Variants in MAK16 observed in about 807,000 individuals in gnomAD.
The protein encoded by MAK16 is MAK16 homolog.
In MAK16, 12 loss-of-function variants were observed where a neutral mutation model predicts 49.9. The observed-to-expected ratio is 0.24, with a 90% CI of 0.15 to 0.39. MAK16 has a LOEUF of 0.39. MAK16 is among the 10% of genes least tolerant of loss of function. The probability of loss-of-function intolerance (pLI) is 1.00; values close to 1 mark genes in which losing one functional copy is unlikely to be tolerated. For synonymous variants in MAK16, 115 were observed against 126.4 expected, an observed-to-expected ratio of 0.91 and a Z score of 0.60; for missense variants, 292 against 363.7, an observed-to-expected ratio of 0.80 and a Z score of 1.60.
chr8:33,485,355 G>A, intron 1 of MAK16, 134 bp downstream of exon 1: 1 of 1,220,134 alleles, frequency 8.2e-7, no homozygotes, highest in African/African-American at 1.5e-5. Context: ...CCGGAACCCC[G>A]ATTTTCCAAC....
chr8:33,496,783 T>G, intron 8 of MAK16, 42 bp downstream of exon 8: 1 of 1,400,168 alleles, frequency 7.1e-7, no homozygotes. Context: ...TAGATACCAT[T>G]TGTATAAAAC....
In MAK16 at chr8:33,489,742, CAT is replaced by C. The variant is rs1349346839; in HGVS notation, c.393-542_393-541del. On this transcript the variant is annotated intron_variant, in intron 5 of 9. Coordinates refer to ENST00000360128, the MANE Select transcript of MAK16 (RefSeq NM_032509.4). This position sits in a 1 kb window ranked among gnomAD's most constrained non-coding sequence, Gnocchi z 4.2. ...TTAGAGATTTGAAAATGATCTAAGA[CAT>C]GTGACTATACAGGAATGTAAGAACT... 2.0e-5 allele frequency among the ~76,000 whole-genome samples: 3 copies of C among 152,164 alleles called. No individual in the cohort carries two copies. The highest frequency in any genetic ancestry group is 6.6e-5 in the Admixed American group (1 of 15,264).
Position 33,499,132 on chromosome 8 carries a change from T to C in MAK16, c.*503T>C. 1 of 1,490,778 alleles carries C rather than the reference T, an allele frequency of 6.7e-7. No individual in the cohort carries two copies. Among genetic ancestry groups the C allele is most frequent in the Non-Finnish European group, 9.4e-7 (1 of 1,067,994 alleles). 92.3% of individuals were successfully genotyped at this position (1,490,778 alleles called of 1,614,324 possible). On this transcript the variant is annotated 3_prime_UTR_variant, in exon 10 of 10. Transcript: ENST00000360128. Reference sequence around the variant, plus strand: ...ATAACTCCATTCATACAAATTGGGATGGGAAGAAAATCCTTTCCTCTTGGG... The same window carrying C: ...ATAACTCCATTCATACAAATTGGGACGGGAAGAAAATCCTTTCCTCTTGGG...
Position 33,498,666 on chromosome 8 carries a change from C to G in MAK16, c.*37C>G, listed in dbSNP as rs1461215632. The stretch of plus-strand genomic sequence containing the variant: ...GCATTTATACCCAGGACTGAACATG[C>G]AGAACTGTTTTTTTTTTTTTTTTAT... On this transcript the variant is annotated 3_prime_UTR_variant, in exon 10 of 10. Coordinates refer to ENST00000360128, the MANE Select transcript of MAK16 (RefSeq NM_032509.4). The G allele has an allele frequency of 1.4e-6, 2 of 1,396,074 alleles. No individual in the cohort carries two copies. The highest frequency in any genetic ancestry group is 2.0e-6 in the Non-Finnish European group (2 of 1,017,770). The allele number at this position is 1,396,074 out of a possible 1,614,324, so 86.5% of individuals were successfully genotyped here. A position where few individuals can be genotyped will look rare whatever the true frequency, so the allele number is the denominator to read the frequency against.
Position 33,491,082 on chromosome 8 carries a change from G to A in MAK16, c.447+743G>A, listed in dbSNP as rs145281879. Among the ~76,000 whole-genome samples the A allele has an allele frequency of 1.4e-3, 215 of 152,162 alleles. 3 individuals carry two copies. The East Asian group carries it at 0.022, about 16-fold the overall frequency. On this transcript the variant is annotated intron_variant, in intron 6 of 9. Transcript: ENST00000360128. ...TCTTTCACTTAACATAATGACCTCC[G>A]GTTCCATCCATGTTGTTACAAATGA...
chr8:33,491,734 A>G (rs1808783189), intron 6 of MAK16, among the ~76,000 whole-genome samples: 1 of 149,322 alleles, frequency 6.7e-6, no homozygotes, highest in African/African-American at 2.5e-5. Flanking sequence ...CCTGGATTCA[A>G]GTGATTCTCA....
intron 9 of MAK16, among the ~76,000 whole-genome samples, chr8:33,497,930 T>G (rs1241805636): frequency 6.6e-6 from 1 of 151,434 alleles, no homozygotes. Context: ...ACCCCGTGTC[T>G]ACTAAAAATA....
intron 4 of MAK16, 26 bp from the exon 5 acceptor site, chr8:33,488,962 T>C (rs770359031): frequency 6.2e-7 from 1 of 1,614,016 alleles, no homozygotes; most frequent in Non-Finnish European, 8.5e-7. Flanking sequence ...CACTTGCCCT[T>C]CAAACTTCCT....
Position 33,495,592 on chromosome 8 carries a change from A to G in MAK16, c.498A>G (p.Leu166=). 1 of 1,612,110 alleles carries G rather than the reference A, an allele frequency of 6.2e-7. No individual in the cohort carries two copies. The highest frequency in any genetic ancestry group is 8.5e-7 in the Non-Finnish European group (1 of 1,179,046). The change falls in exon 7 of 10, where the codon TTA becomes TTG. Residue 166 remains leucine (L), a synonymous_variant. Transcript: ENST00000360128. ...TGGACAATGCCATTGAGAAGGAATT[A>G]CTGGAGAGACTGAAACAAGATACGG... ...AQLDNAIEKE[L]LERLKQDTYG... is the part of the protein sequence containing the mutation.
chr8:33,488,143 G>A lies in MAK16; in HGVS notation c.16-235G>A, dbSNP rs112087158. Among the ~76,000 whole-genome samples the A allele has an allele frequency of 6.5e-3, 986 of 152,216 alleles. 18 individuals carry two copies. The highest frequency in any genetic ancestry group is 0.023 in the African/African-American group (940 of 41,532). On this transcript the variant is annotated intron_variant, in intron 1 of 9. Transcript: ENST00000360128. ...GGGTTTCTCCATGTTAATCAGGCTGGTCTCAAACTCCTCACCTCAGGTGAT... is the reference window on the plus strand; with the variant it reads ...GGGTTTCTCCATGTTAATCAGGCTGATCTCAAACTCCTCACCTCAGGTGAT...
Position 33,488,561 on chromosome 8 carries a change from C to T in MAK16, c.107C>T (p.Thr36Ile), listed in dbSNP as rs751456524. Residue 36 changes from threonine to isoleucine, a missense_variant, in exon 3 of 10, where the codon ACT becomes ATT. Physicochemically the swap from Thr to Ile is moderately conservative, Grantham distance 89. Coordinates refer to ENST00000360128, the MANE Select transcript of MAK16 (RefSeq NM_032509.4). ...TTCTGCCGAAATGAATATAGCCTGACTGGACTGTGTAATCGGTCATCCTGT... is the reference window on the plus strand; with the variant it reads ...TTCTGCCGAAATGAATATAGCCTGATTGGACTGTGTAATCGGTCATCCTGT... ...QSFCRNEYSLTGLCNRSSCPL... is the reference protein window; with the variant it reads ...QSFCRNEYSLIGLCNRSSCPL... 3.1e-6 allele frequency: 5 copies of T among 1,614,160 alleles called. No individual in the cohort carries two copies. In the Admixed American group the frequency reaches 8.3e-5, roughly 27 times the overall value.
intron 9 of MAK16, 40 bp downstream of exon 9, chr8:33,497,337 G>GC: frequency 1.7e-6 from 1 of 595,296 alleles, no homozygotes; most frequent in African/African-American, 4.1e-5. Context: ...TTGGCCTGCA[G>GC]CAAAAAAAAA....
Position 33,500,251 on chromosome 8 carries a change from T to C in MAK16, c.*1622T>C, listed in dbSNP as rs1809017336. 1.3e-6 allele frequency: 2 copies of C among 1,562,486 alleles called. No homozygotes were observed. The highest frequency in any genetic ancestry group is 2.2e-5 in the East Asian group (1 of 44,502). On this transcript the variant is annotated 3_prime_UTR_variant, in exon 10 of 10. Transcript: ENST00000360128. ...TTCCAGACTTGGTCAGGCACATACA[T>C]AGTAAATTATAATCAATCATGGGAA... is the stretch of plus-strand genomic sequence containing the variant.
intron 7 of MAK16, 53 bp from the exon 8 acceptor site, chr8:33,496,572 T>C (rs1808860794): frequency 7.3e-7 from 1 of 1,363,900 alleles, no homozygotes; most frequent in Non-Finnish European, 1.0e-6. Context: ...AAGTGGAACT[T>C]CAAGTGTAAT....
chr8:33,488,005 C>T (rs976633979), intron 1 of MAK16, among the ~76,000 whole-genome samples: 2 of 152,088 alleles, frequency 1.3e-5, no homozygotes, highest in African/African-American at 4.8e-5. Flanking sequence ...CTCGGCTCAC[C>T]GCAACCTCCC....
intron 7 of MAK16, among the ~76,000 whole-genome samples, chr8:33,495,988 T>C (rs888773845): frequency 6.6e-6 from 1 of 152,052 alleles, no homozygotes; most frequent in Admixed American, 6.6e-5. Flanking sequence ...TTTTTTAACA[T>C]GATATGAAGA....
In MAK16 at chr8:33,490,337, G is replaced by C; in HGVS notation, c.445G>C (p.Glu149Gln). 6.2e-7 allele frequency: 1 copy of C among 1,612,598 alleles called. No individual in the cohort carries two copies. Among genetic ancestry groups the C allele is most frequent in the Non-Finnish European group, 8.5e-7 (1 of 1,178,762 alleles). Residue 149 changes from glutamate (E) to glutamine (Q), a missense_variant and splice_region_variant, in exon 6 of 10, where the codon GAG (glutamate) becomes CAG (glutamine). Coordinates refer to ENST00000360128, the MANE Select transcript of MAK16 (RefSeq NM_032509.4). Reference sequence around the variant, plus strand: ...GGTGGAGCGTAGGGAGAAAAGAAGAGAGGTAACTTATTGTTGAGATATTCA... The same window carrying C: ...GGTGGAGCGTAGGGAGAAAAGAAGACAGGTAACTTATTGTTGAGATATTCA... ...KKVERREKRR[E>Q]EKALIAAQLD...
chr8:33,487,065 T>G (rs547569930), intron 1 of MAK16, among the ~76,000 whole-genome samples: 38 of 152,332 alleles, frequency 2.5e-4, no homozygotes, highest in African/African-American at 8.9e-4. Context: ...TATTTTTCCT[T>G]TAACAGTGGT....
chr8:33,499,148 TC>T lies in MAK16; in HGVS notation c.*521del. The stretch of plus-strand genomic sequence containing the variant: ...AAATTGGGATGGGAAGAAAATCCTT[TC>T]CTCTTGGGAAAGTAATACAAGTCTT... On this transcript the variant is annotated 3_prime_UTR_variant, in exon 10 of 10. Transcript: ENST00000360128. The T allele has an allele frequency of 6.3e-7, 1 of 1,575,298 alleles. No homozygotes were observed. Among genetic ancestry groups the T allele is most frequent in the Non-Finnish European group, 8.7e-7 (1 of 1,144,668 alleles).
Sources: gnomAD v4.1 joint callset for allele counts (sites outside exome capture counted in the v4.1 genomes callset) on GRCh38, gnomAD v4.1.1 for gene constraint, Gnocchi (gnomAD v3.1) non-coding constraint, MANE v1.5 for transcripts, NCBI Gene and HGNC (gene_info 2026-07-23, HGNC 2026-07-21) for gene names.